Variants in CLIC4 observed in about 807,000 individuals in gnomAD.
The protein encoded by CLIC4 is chloride intracellular channel protein 4.
A neutral mutation model predicts 24.6 loss-of-function variants in CLIC4; 13 were observed. The ratio of observed to expected loss-of-function variants is 0.53; its 90% CI spans 0.34 to 0.84. The LOEUF (loss-of-function observed/expected upper bound fraction) is 0.84, where lower values mean the gene tolerates loss of function less well. Among genes scored for constraint, CLIC4 ranks in the 40% least tolerant of loss-of-function variants. The pLI, the probability that CLIC4 is intolerant of heterozygous loss-of-function variation, is 0.01. For missense variants in CLIC4, 227 were observed against 301.7 expected (o/e 0.75, Z 1.83); for synonymous variants, 104 against 111.3 (o/e 0.93, Z 0.41).
intron 1 of CLIC4, among the ~76,000 whole-genome samples, chr1:24,765,311 A>C (rs1638979572): frequency 6.6e-6 from 1 of 152,214 alleles, no homozygotes; most frequent in African/African-American, 2.4e-5. Context: ...TACTCAATAA[A>C]ATGTTTGCTG....
chr1:24,788,764 A>G (rs897311714), intron 1 of CLIC4, among the ~76,000 whole-genome samples: 2 of 152,142 alleles, frequency 1.3e-5, no homozygotes, highest in Admixed American at 6.5e-5. Context: ...TTTGCCTCCT[A>G]TATTCCTGAC....
chr1:24,839,053 TAA>T (rs1429510354), intron 4 of CLIC4, among the ~76,000 whole-genome samples: 1 of 152,212 alleles, frequency 6.6e-6, no homozygotes, highest in East Asian at 1.9e-4. Flanking sequence ...CTGTGAATTA[TAA>T]GACAGTTTTG....
intron 4 of CLIC4, among the ~76,000 whole-genome samples, chr1:24,831,955 T>C (rs1171591017): frequency 6.6e-6 from 1 of 152,186 alleles, no homozygotes; most frequent in Non-Finnish European, 1.5e-5. Context: ...TCACTGCCTT[T>C]AATAAGAAGC....
At chr1:24,748,067 C>G (rs1420576736) in intron 1 of CLIC4, among the ~76,000 whole-genome samples, 3 of 151,610 alleles carry the variant, frequency 2.0e-5, no homozygotes, top group African/African-American at 7.3e-5. Context: ...AGTTATGGCT[C>G]TATTCAGTAT....
chr1:24,764,913 C>T (rs1638974205), intron 1 of CLIC4, among the ~76,000 whole-genome samples: 1 of 152,126 alleles, frequency 6.6e-6, no homozygotes, highest in Admixed American at 6.5e-5. Context: ...TTTCATTAAA[C>T]ATGTCTTTAC....
At chr1:24,763,528 G>A (rs1012005295) in intron 1 of CLIC4, among the ~76,000 whole-genome samples, 22 of 88,882 alleles carry the variant, frequency 2.5e-4, no homozygotes, top group African/African-American at 5.2e-4. Context: ...GTGAGACTCC[G>A]TCTCCAAAAA....
At chr1:24,773,391 T>G (rs1639095314) in intron 1 of CLIC4, among the ~76,000 whole-genome samples, 1 of 152,202 alleles carries the variant, frequency 6.6e-6, no homozygotes, top group South Asian at 2.1e-4. Flanking sequence ...TGAATCTAGT[T>G]TATACTACAG....
rs145899350 is a variant in CLIC4 at position 24,818,507 on chromosome 1, G to A, written c.308+4288G>A. ...CCACCATGTTGGCCAGGCTTGTCTC[G>A]AAATCCTGACCTCAAGGTATCCGCC... On this transcript the variant is annotated intron_variant, in intron 3 of 5. Coordinates refer to ENST00000374379, the MANE Select transcript of CLIC4 (RefSeq NM_013943.3). 6.0e-3 allele frequency among the ~76,000 whole-genome samples: 920 copies of A among 152,134 alleles called. 8 individuals carry two copies. Among genetic ancestry groups the A allele is most frequent in the African/African-American group, 0.021 (858 of 41,454 alleles).
rs2124180674 is a variant in CLIC4, at chr1:24,840,992, C to A, written c.*55C>A. On this transcript the variant is annotated 3_prime_UTR_variant, in exon 6 of 6. Coordinates refer to ENST00000374379, the MANE Select transcript of CLIC4 (RefSeq NM_013943.3). ...GTCTTCCCCTAAGAATACGCTTTTCCTAACAGGCTACTCCTTCCTGTAGAG... is the reference window on the plus strand; with the variant it reads ...GTCTTCCCCTAAGAATACGCTTTTCATAACAGGCTACTCCTTCCTGTAGAG... 2.7e-6 allele frequency: 4 copies of A among 1,455,480 alleles called. No homozygotes were observed. The highest frequency in any genetic ancestry group is 2.8e-6 in the Non-Finnish European group (3 of 1,071,236). The allele number at this position is 1,455,480 out of a possible 1,614,324, so 90.2% of individuals were successfully genotyped here. A position where few individuals can be genotyped will look rare whatever the true frequency, so the allele number is the denominator to read the frequency against.
chr1:24,816,344 A>G (rs1194281373), intron 3 of CLIC4, among the ~76,000 whole-genome samples: 1 of 149,198 alleles, frequency 6.7e-6, no homozygotes, highest in Non-Finnish European at 1.5e-5. Flanking sequence ...GGTTCAAGCA[A>G]TTCTCCTGCT....
intron 2 of CLIC4, among the ~76,000 whole-genome samples, chr1:24,812,781 C>T (rs1324231944): frequency 5.3e-5 from 8 of 150,308 alleles, no homozygotes; most frequent in East Asian, 2.0e-4. Flanking sequence ...TGCAGTGGTG[C>T]GATCTTGGCT....
chr1:24,824,252 A>G (rs1268507756), intron 3 of CLIC4, among the ~76,000 whole-genome samples: 1 of 152,138 alleles, frequency 6.6e-6, no homozygotes, highest in East Asian at 1.9e-4. Context: ...GGGACAGGAG[A>G]TTTCAGTTTT....
intron 1 of CLIC4, among the ~76,000 whole-genome samples, chr1:24,751,207 CTTTTTTTTT>C (rs563478354): frequency 9.2e-6 from 1 of 109,046 alleles, no homozygotes. Flanking sequence ...TACTTCCAGT[CTTTTTTTTT>C]TTTTTTTTTT....
At chr1:24,760,744 G>T (rs1232276714) in intron 1 of CLIC4, among the ~76,000 whole-genome samples, 1 of 152,092 alleles carries the variant, frequency 6.6e-6, no homozygotes, top group Non-Finnish European at 1.5e-5. Context: ...TGTCATTATG[G>T]CAGTCATATT....
intron 1 of CLIC4, among the ~76,000 whole-genome samples, chr1:24,781,051 C>T (rs1639197158): frequency 7.1e-6 from 1 of 140,894 alleles, no homozygotes; most frequent in Admixed American, 7.3e-5. Flanking sequence ...CGCACCATTG[C>T]ACTCCAGCCT....
chr1:24,799,462 C>A (rs1639448442), intron 2 of CLIC4, among the ~76,000 whole-genome samples: 2 of 150,660 alleles, frequency 1.3e-5, no homozygotes, highest in Admixed American at 6.6e-5. Context: ...GCAGCTGCCC[C>A]GTCTGAGAAG....
intron 1 of CLIC4, among the ~76,000 whole-genome samples, chr1:24,755,968 C>T (rs1034980714): frequency 1.3e-5 from 2 of 148,742 alleles, no homozygotes; most frequent in Non-Finnish European, 1.5e-5. Flanking sequence ...ACTACAGGCA[C>T]GCACCACCAT....
At chr1:24,779,266 T>C (rs1310622584) in intron 1 of CLIC4, among the ~76,000 whole-genome samples, 1 of 152,022 alleles carries the variant, frequency 6.6e-6, no homozygotes. Context: ...GCCCAGGGGT[T>C]CAAGACCAGC....
chr1:24,755,805 G>T (rs1187917836), intron 1 of CLIC4, among the ~76,000 whole-genome samples: 2 of 151,824 alleles, frequency 1.3e-5, no homozygotes, highest in African/African-American at 4.8e-5. Flanking sequence ...ATCAAATGTA[G>T]ACTAGGAGTA....
Sources: gnomAD v4.1 joint callset for allele counts (sites outside exome capture counted in the v4.1 genomes callset) on GRCh38, gnomAD v4.1.1 for gene constraint, MANE v1.5 for transcripts, NCBI Gene and HGNC (gene_info 2026-07-23, HGNC 2026-07-21) for gene names.